The following CCDC78 variants were observed in gnomAD, a reference collection of about 807,000 sequenced individuals.
CCDC78 encodes coiled-coil domain-containing protein 78.
In CCDC78, 78 loss-of-function variants were observed where a neutral mutation model predicts 61.9. The observed-to-expected ratio is 1.26, with a 90% confidence interval of 1.05 to 1.52. The LOEUF (loss-of-function observed/expected upper bound fraction) is 1.52. Among genes scored for constraint, CCDC78 ranks in the 40% most tolerant of loss-of-function variants. CCDC78 has a pLI of 0.00. For synonymous variants in CCDC78, 287 were observed against 251.9 expected, an observed-to-expected ratio of 1.14 and a Z score of -1.32; for missense variants, 737 against 615.5, an observed-to-expected ratio of 1.20 and a Z score of -2.09.
chr16:725,693 C>G, intron 3 of CCDC78, 101 bp downstream of exon 3: 1 of 1,569,132 alleles, frequency 6.4e-7, no homozygotes, highest in Non-Finnish European at 8.6e-7. Flanking sequence ...AGGCTGAGAC[C>G]CACAGATGCC....
upstream of CCDC78, chr16:726,476 T>G: frequency 7.3e-7 from 1 of 1,365,836 alleles, no homozygotes; most frequent in Non-Finnish European, 9.8e-7. Flanking sequence ...AGGCCTCTGT[T>G]GGTCCCAGGT....
In CCDC78 at chr16:726,399, G is replaced by A. The variant is rs61910708; in HGVS notation, c.-32C>T. On this transcript the variant is annotated 5_prime_UTR_variant, in exon 1 of 14. Coordinates refer to ENST00000345165, the MANE Select transcript of CCDC78 (RefSeq NM_001378030.1). ...GGGAACCCTGGCCAGCTCCGAGCCC[G>A]GTGCTGCCTCCACGCCCGGCTTCCC... is the stretch of plus-strand genomic sequence containing the variant. 13,277 of 1,511,306 alleles carry A rather than the reference G, an allele frequency of 8.8e-3. 1,062 individuals are homozygous for A. In the African/African-American group the frequency reaches 0.17, roughly 19 times the overall value. The allele number at this position is 1,511,306 out of a possible 1,614,324, so 93.6% of individuals were successfully genotyped here.
In CCDC78 at chr16:724,978, C is replaced by A. The variant is rs1413647946; in HGVS notation, c.572G>T (p.Gly191Val). ...CTCTCGGGCTCCCTGCAGCTGCCGGCCCAGGGTTGCCCTGAAGACACGGGG... is the reference window on the plus strand; with the variant it reads ...CTCTCGGGCTCCCTGCAGCTGCCGGACCAGGGTTGCCCTGAAGACACGGGG... ...QALVTRVATL[G>V]RQLQGAREEA... Residue 191 changes from glycine to valine, a missense_variant, in exon 7 of 14, where the codon GGC becomes GTC. Coordinates refer to ENST00000345165, the MANE Select transcript of CCDC78 (RefSeq NM_001378030.1). 3 of 1,612,026 alleles carry A rather than the reference C, an allele frequency of 1.9e-6. No individual in the cohort carries two copies. The highest frequency in any genetic ancestry group is 2.5e-6 in the Non-Finnish European group (3 of 1,179,604).
At chr16:722,832 A>G in intron 13 of CCDC78, 43 bp from the exon 14 acceptor site, 1 of 1,609,880 alleles carries the variant, frequency 6.2e-7, no homozygotes, top group Non-Finnish European at 8.5e-7. Flanking sequence ...CCAGCTGTGG[A>G]CAGGTCTGCT....
rs2040614811 is a variant in CCDC78 at position 724,346 on chromosome 16, T to C, written c.929A>G (p.His310Arg). The change falls in exon 9 of 14, where the codon CAT (histidine) becomes CGT (arginine). Residue 310 changes from histidine (H) to arginine (R), a missense_variant. Transcript: ENST00000345165. ...CCTGTAGGCAACCAGTAGCTCTTCATGCCTGCGGCTCAGATCCACCAGCCT... is the reference window on the plus strand; with the variant it reads ...CCTGTAGGCAACCAGTAGCTCTTCACGCCTGCGGCTCAGATCCACCAGCCT... ...HKRLVDLSRR[H>R]EELLVAYRAP... 6.2e-7 allele frequency: 1 copy of C among 1,612,256 alleles called. No homozygotes were observed. Among genetic ancestry groups the C allele is most frequent in the Non-Finnish European group, 8.5e-7 (1 of 1,179,752 alleles).
Position 725,301 on chromosome 16 carries a change from G to T in CCDC78, c.436-8C>A. The T allele has an allele frequency of 6.2e-7, 1 of 1,608,552 alleles. No individual in the cohort carries two copies. Among genetic ancestry groups the T allele is most frequent in the South Asian group, 1.1e-5 (1 of 91,082 alleles). Reference sequence around the variant, plus strand: ...GGTGTTCTTGGGCTGCACCTGAATGGAAGGGAGGGCAGGGAAAGCTAAGGG... The same window carrying T: ...GGTGTTCTTGGGCTGCACCTGAATGTAAGGGAGGGCAGGGAAAGCTAAGGG... On this transcript the variant is annotated splice_polypyrimidine_tract_variant and splice_region_variant and intron_variant, in intron 4 of 13. Transcript: ENST00000345165.
rs150304459 is a variant in CCDC78 at position 723,105 on chromosome 16, C to G, written c.1190G>C (p.Arg397Pro). ...QIHQKLRDFS[R>P]STQAELERER... ...GCCCTTGCCTCCTACCTGGGTGCTG[C>G]GGGAGAAGTCCCGGAGCTTCTGGTG... The change falls in exon 12 of 14, where the codon CGC becomes CCC. Residue 397 changes from arginine to proline, a missense_variant. Arg to Pro is a moderately radical substitution (Grantham distance 103). Transcript: ENST00000345165. 1 of 1,612,580 alleles carries G rather than the reference C, an allele frequency of 6.2e-7. No homozygotes were observed. Among genetic ancestry groups the G allele is most frequent in the Non-Finnish European group, 8.5e-7 (1 of 1,180,000 alleles).
chr16:723,434 G>A (rs2151542935), intron 11 of CCDC78: 1 of 694,922 alleles, frequency 1.4e-6, no homozygotes, highest in Non-Finnish European at 2.6e-6. Context: ...GCATCAACAG[G>A]GATGCCACCC....
At chr16:723,570 C>T (rs759550569) in intron 11 of CCDC78, 32 of 680,666 alleles carry the variant, frequency 4.7e-5, no homozygotes, top group African/African-American at 2.8e-4. Context: ...TCCCACCCCT[C>T]GCGTCCTCCA....
chr16:725,965 C>A lies in CCDC78; in HGVS notation c.180+1G>T. 5 of 1,556,946 alleles carry A rather than the reference C, an allele frequency of 3.2e-6. No homozygotes were observed. The highest frequency in any genetic ancestry group is 4.3e-6 in the Non-Finnish European group (5 of 1,150,172). ...CGAGCACGCTGGGGCCCCACACCCACCTGCAGCTGCTGCTCCTTATTGAGC... is the reference window on the plus strand; with the variant it reads ...CGAGCACGCTGGGGCCCCACACCCAACTGCAGCTGCTGCTCCTTATTGAGC... On this transcript the variant is annotated splice_donor_variant, in intron 2 of 13. Coordinates refer to ENST00000345165, the MANE Select transcript of CCDC78 (RefSeq NM_001378030.1). LOFTEE classifies it high-confidence loss of function.
At chr16:722,852 T>C (rs763065715) in intron 13 of CCDC78, 63 bp from the exon 14 acceptor site, 38 of 1,607,222 alleles carry the variant, frequency 2.4e-5, no homozygotes, top group Middle Eastern at 3.3e-4. Flanking sequence ...TTTTAGCGCC[T>C]GAGGCAGCCA....
At position 722,911 on chromosome 16, in the gene CCDC78, C is replaced by T. The variant is rs1196939827; in HGVS notation, c.1301+11G>A. ...AGGGCCCTGGGGTCACACCCAGCTC[C>T]CTCTGCCCACCTGCCCAGGTGCTGG... On this transcript the variant is annotated intron_variant, in intron 13 of 13. Coordinates refer to ENST00000345165, the MANE Select transcript of CCDC78 (RefSeq NM_001378030.1). 6 of 1,612,060 alleles carry T rather than the reference C, an allele frequency of 3.7e-6. No individual in the cohort carries two copies. Among genetic ancestry groups the T allele is most frequent in the Middle Eastern group, 1.6e-4 (1 of 6,062 alleles).
Position 725,085 on chromosome 16 carries a change from T to C in CCDC78, c.553A>G (p.Thr185Ala). 1.9e-6 allele frequency: 3 copies of C among 1,612,672 alleles called. No individual in the cohort carries two copies. Among genetic ancestry groups the C allele is most frequent in the Non-Finnish European group, 2.5e-6 (3 of 1,179,908 alleles). ...GGTGAGATGGCCACTCACACACGCGTCACCAGTGCCTGCTGCCGGGCCTCC... is the reference window on the plus strand; with the variant it reads ...GGTGAGATGGCCACTCACACACGCGCCACCAGTGCCTGCTGCCGGGCCTCC... ...HQEARQQALV[T>A]RVATLGRQLQ... Residue 185 changes from threonine to alanine, a missense_variant, in exon 6 of 14, where the codon ACG becomes GCG. Physicochemically the swap from Thr to Ala is moderately conservative, Grantham distance 58 (BLOSUM62 0). Coordinates refer to ENST00000345165, the MANE Select transcript of CCDC78 (RefSeq NM_001378030.1).
chr16:723,896 C>T lies in CCDC78; in HGVS notation c.1094G>A (p.Arg365Lys), dbSNP rs1237609674. 3 of 1,600,798 alleles carry T rather than the reference C, an allele frequency of 1.9e-6. No individual in the cohort carries two copies. Among genetic ancestry groups the T allele is most frequent in the Non-Finnish European group, 2.6e-6 (3 of 1,173,920 alleles). Residue 365 changes from arginine (R) to lysine (K), a missense_variant, in exon 11 of 14, where the codon AGA becomes AAA. Transcript: ENST00000345165. ...TCCCCCCTGGGAGGCTCCACCGGGT[C>T]TCTTTTTTGGGGATGAGAGCAGTGC... Reference protein sequence around the residue: ...PGALLSSPKKRPGGASQGGTS... With the variant: ...PGALLSSPKKKPGGASQGGTS...
Position 724,025 on chromosome 16 carries a change from G to C in CCDC78, c.1053+81C>G, listed in dbSNP as rs192540301. The C allele has an allele frequency of 3.1e-5, 42 of 1,339,914 alleles. No homozygotes were observed. In the African/African-American group the frequency reaches 6.1e-4, roughly 20 times the overall value. 83.0% of individuals were successfully genotyped at this position (1,339,914 alleles called of 1,614,324 possible). A position where few individuals can be genotyped will look rare whatever the true frequency, so the allele number is the denominator to read the frequency against. On this transcript the variant is annotated intron_variant, in intron 10 of 13. Transcript: ENST00000345165. ...GGGCTGAGGTCTCTGTTGAGCCCAG[G>C]ATGAGGCCTGGGGCCAGTGTGGGGC... is the stretch of plus-strand genomic sequence containing the variant.
At position 726,355 on chromosome 16, in the gene CCDC78, C is replaced by G. The variant is rs1447437433; in HGVS notation, c.13G>C (p.Ala5Pro). The change falls in exon 1 of 14, where the codon GCC (alanine) becomes CCC (proline). Residue 5 changes from alanine to proline, a missense_variant. Ala to Pro is a conservative substitution (Grantham distance 27). Transcript: ENST00000345165. MEHA[A>P]TTGPRPGPPS... is the part of the protein sequence containing the mutation. ...GGTCCAGGCCTGGGGCCTGTGGTGG[C>G]TGCGTGCTCCATAGGCTAGGGAACC... 1.9e-6 allele frequency: 3 copies of G among 1,541,310 alleles called. No homozygotes were observed. Among genetic ancestry groups the G allele is most frequent in the Admixed American group, 4.2e-5 (2 of 48,164 alleles).
rs2040330875 is a variant in CCDC78, at chr16:722,807, G to C, written c.1302-18C>G. On this transcript the variant is annotated intron_variant, in intron 13 of 13. Transcript: ENST00000345165. Reference sequence around the variant, plus strand: ...GCTTGTACCTGCTCAGAGGAACCATGCTTAAGTGACTTGCCCAGCTGTGGA... The same window carrying C: ...GCTTGTACCTGCTCAGAGGAACCATCCTTAAGTGACTTGCCCAGCTGTGGA... 3 of 1,612,074 alleles carry C rather than the reference G, an allele frequency of 1.9e-6. No individual in the cohort carries two copies. Among genetic ancestry groups the C allele is most frequent in the Non-Finnish European group, 1.7e-6 (2 of 1,179,540 alleles).
At chr16:723,819 C>T (rs752520956) in intron 11 of CCDC78, 38 bp downstream of exon 11, 8 of 1,539,386 alleles carry the variant, frequency 5.2e-6, no homozygotes, top group African/African-American at 1.4e-5. Flanking sequence ...CTCTGCTCAT[C>T]CCCCACAGGC....
chr16:725,074 TCACA>T lies in CCDC78; in HGVS notation c.560_560+3del. ...ATGGGGCCCCAGGTGAGATGGCCAC[TCACA>T]CACGCGTCACCAGTGCCTGCTGCCG... On this transcript the variant is annotated splice_donor_variant and splice_donor_region_variant and coding_sequence_variant and intron_variant, in exon 6 of 14. Transcript: ENST00000345165. LOFTEE classifies it high-confidence loss of function. 25 of 1,612,572 alleles carry T rather than the reference TCACA, an allele frequency of 1.6e-5. No individual in the cohort carries two copies. Among genetic ancestry groups the T allele is most frequent in the Non-Finnish European group, 2.1e-5 (25 of 1,179,922 alleles).
Sources: gnomAD v4.1 joint callset for allele counts on GRCh38, gnomAD v4.1.1 for gene constraint, MANE v1.5 for transcripts, NCBI Gene and HGNC (gene_info 2026-07-23, HGNC 2026-07-21) for gene names.